The following MRTFA variants were observed in gnomAD, a reference collection of about 807,000 sequenced individuals.
MRTFA encodes myocardin-related transcription factor A.
Under a neutral mutation model 83.5 loss-of-function variants are expected in MRTFA, and 20 were observed. That is an observed-to-expected ratio of 0.24 (90% CI 0.17 to 0.35). MRTFA has a LOEUF of 0.35. Ranked by LOEUF, MRTFA falls within the 10% of genes least tolerant of loss-of-function variation. The probability of loss-of-function intolerance (pLI) is 1.00; values close to 1 mark genes in which losing one functional copy is unlikely to be tolerated. For missense variants in MRTFA, 1,200 were observed against 1,224.7 expected (o/e 0.98, Z 0.30); for synonymous variants, 659 against 541.2 (o/e 1.22, Z -3.02).
intron 3 of MRTFA, among the ~76,000 whole-genome samples, chr22:40,514,778 C>G (rs1651028838): frequency 6.6e-6 from 1 of 152,012 alleles, no homozygotes; most frequent in Admixed American, 6.6e-5. Flanking sequence ...CCACGCCCAG[C>G]CCTTCCTACC....
chr22:40,426,460 C>T (rs2052956260), intron 7 of MRTFA, among the ~76,000 whole-genome samples: 1 of 152,138 alleles, frequency 6.6e-6, no homozygotes, highest in Non-Finnish European at 1.5e-5. Flanking sequence ...GCTACATTTG[C>T]CATCACCACC....
At chr22:40,576,028 C>CTTTTT (rs918851256) in intron 2 of MRTFA, among the ~76,000 whole-genome samples, 1 of 131,408 alleles carries the variant, frequency 7.6e-6, no homozygotes, top group Non-Finnish European at 1.6e-5. Context: ...ATGTAAATTT[C>CTTTTT]TTTTTTTTTT....
chr22:40,587,083 T>A (rs1476029689), intron 2 of MRTFA: 1 of 453,760 alleles, frequency 2.2e-6, no homozygotes. Flanking sequence ...CCCAGGACTC[T>A]ACGATGAATC....
chr22:40,439,690 G>A (rs1383973727), intron 4 of MRTFA, among the ~76,000 whole-genome samples: 1 of 152,082 alleles, frequency 6.6e-6, no homozygotes, highest in Admixed American at 6.5e-5. Context: ...CAGAAGAGGG[G>A]TTCAGAGACC....
chr22:40,467,022 G>A (rs550410080), intron 3 of MRTFA, among the ~76,000 whole-genome samples: 4 of 151,772 alleles, frequency 2.6e-5, no homozygotes, highest in South Asian at 2.1e-4. Context: ...GTACAAAGAC[G>A]AAAGCTTATC....
At chr22:40,542,171 T>A (rs1249078804) in intron 3 of MRTFA, among the ~76,000 whole-genome samples, 1 of 152,124 alleles carries the variant, frequency 6.6e-6, no homozygotes, top group African/African-American at 2.4e-5. Flanking sequence ...AGTTCCTTTG[T>A]GACAATTTTC....
At chr22:40,552,421 T>C (rs2055456195) in intron 2 of MRTFA, 54 bp from the exon 3 acceptor site, 4 of 396,534 alleles carry the variant, frequency 1.0e-5, no homozygotes, top group Non-Finnish European at 4.4e-6. Flanking sequence ...TAATATGGTT[T>C]GGTGGTGTCC....
rs746175814 is a variant in MRTFA, at chr22:40,610,932, C to CTTT, written c.-83-16200_-83-16198dup. ...CACCAAAGAGAGTTGTTTTCTTTTA[C>CTTT]TTTTTTTTTTTTTTTTTTTTTTTGA... is the stretch of plus-strand genomic sequence containing the variant. On this transcript the variant is annotated intron_variant, in intron 1 of 14. Coordinates refer to ENST00000355630, the MANE Select transcript of MRTFA (RefSeq NM_020831.6). 2.1e-3 allele frequency among the ~76,000 whole-genome samples: 231 copies of CTTT among 108,332 alleles called. 2 individuals carry two copies. Among genetic ancestry groups the CTTT allele is most frequent in the African/African-American group, 7.2e-3 (208 of 28,932 alleles). 71.1% of individuals were successfully genotyped at this position (108,332 alleles called of 152,430 possible). A position where few individuals can be genotyped will look rare whatever the true frequency, so the allele number is the denominator to read the frequency against.
chr22:40,551,450 C>A (rs1338789371), intron 3 of MRTFA, among the ~76,000 whole-genome samples: 1 of 152,152 alleles, frequency 6.6e-6, no homozygotes, highest in Non-Finnish European at 1.5e-5. Context: ...TTCACTGCAA[C>A]CTCCGCCTCC....
chr22:40,617,935 C>T (rs2056473427), intron 1 of MRTFA, among the ~76,000 whole-genome samples: 1 of 152,060 alleles, frequency 6.6e-6, no homozygotes, highest in African/African-American at 2.4e-5. Context: ...TGACAAAGTC[C>T]CTGCCCTTGT....
chr22:40,612,155 A>C (rs1305592157), intron 1 of MRTFA, among the ~76,000 whole-genome samples: 1 of 152,236 alleles, frequency 6.6e-6, no homozygotes. Flanking sequence ...CACAATGAGC[A>C]AGTACTTTAT....
At chr22:40,484,620 A>G (rs1569291059) in intron 3 of MRTFA, among the ~76,000 whole-genome samples, 1 of 152,206 alleles carries the variant, frequency 6.6e-6, no homozygotes, top group Non-Finnish European at 1.5e-5. Context: ...TTTTGCACAA[A>G]ATTTTACGAA....
intron 2 of MRTFA, among the ~76,000 whole-genome samples, chr22:40,576,426 T>C (rs2055869258): frequency 6.6e-6 from 1 of 152,222 alleles, no homozygotes; most frequent in South Asian, 2.1e-4. Context: ...ATGCTGATAA[T>C]AACTCAGTAA....
intron 1 of MRTFA, among the ~76,000 whole-genome samples, chr22:40,631,787 T>G (rs1160229842): frequency 3.3e-5 from 5 of 152,230 alleles, no homozygotes; most frequent in Admixed American, 6.5e-5. Flanking sequence ...CAATAAATAT[T>G]TATAAATATC....
Position 40,463,222 on chromosome 22 carries a change from C to A in MRTFA, c.306G>T (p.Pro102=). 6.2e-7 allele frequency: 1 copy of A among 1,613,790 alleles called. No homozygotes were observed. Among genetic ancestry groups the A allele is most frequent in the Non-Finnish European group, 8.5e-7 (1 of 1,179,762 alleles). Reference sequence around the variant, plus strand: ...ATGCTGAGAGAGAGAGGCACTTACGCGGCATGATCCCTTGGCTCACCAGTT... The same window carrying A: ...ATGCTGAGAGAGAGAGGCACTTACGAGGCATGATCCCTTGGCTCACCAGTT... The change falls in exon 4 of 15, where the codon CCG becomes CCT. Residue 102 remains proline (P), a splice_region_variant and synonymous_variant. Transcript: ENST00000355630.
At chr22:40,425,196 A>T (rs1052703888) in intron 7 of MRTFA, among the ~76,000 whole-genome samples, 1 of 152,224 alleles carries the variant, frequency 6.6e-6, no homozygotes, top group Non-Finnish European at 1.5e-5. Flanking sequence ...CGTAGCACAG[A>T]GCTTCTGTTC....
intron 2 of MRTFA, among the ~76,000 whole-genome samples, chr22:40,564,395 G>A (rs2055672717): frequency 6.6e-6 from 1 of 152,102 alleles, no homozygotes. Context: ...AGAAAAGTAG[G>A]AAGAGTTTGA....
chr22:40,413,026 ACTC>A (rs1458564677), intron 14 of MRTFA: 2 of 149,126 alleles, frequency 1.3e-5, no homozygotes, highest in Non-Finnish European at 2.9e-5. Flanking sequence ...AATCCCAGCT[ACTC>A]AGGAGGCTGA....
chr22:40,525,380 A>T (rs1409727011), intron 3 of MRTFA, among the ~76,000 whole-genome samples: 1 of 151,246 alleles, frequency 6.6e-6, no homozygotes, highest in South Asian at 2.1e-4. Flanking sequence ...CTGGTCTTGA[A>T]CTCCTGGGTT....
Sources: allele counts gnomAD v4.1 joint callset (sites outside exome capture counted in the v4.1 genomes callset), GRCh38; gene constraint gnomAD v4.1.1; transcripts MANE v1.5; gene names NCBI Gene and HGNC (gene_info 2026-07-23, HGNC 2026-07-21).